Variants in C6 observed in about 807,000 individuals in gnomAD.
C6 encodes complement C6, also known as complement component C6.
C6 carries 101 observed loss-of-function variants against 112.9 expected under a neutral mutation model. The ratio of observed to expected loss-of-function variants is 0.89; its 90% confidence interval spans 0.76 to 1.06. The LOEUF is 1.06. Among genes scored for constraint, C6 ranks in the 50% least tolerant of loss-of-function variants. The pLI, the probability that C6 is intolerant of heterozygous loss-of-function variation, is 0.00. For synonymous variants in C6, 431 were observed against 384.1 expected (o/e 1.12, Z -1.43); for missense variants, 1,202 against 1,104.6 (o/e 1.09, Z -1.25).
rs565529648 is a variant in C6, at chr5:41,236,368, G to T, written c.-21+24826C>A. Reference sequence around the variant, plus strand: ...CCCATTGCTTGTTTTTCTCAGGTTTGTCAAAGATCAGATAGTTGTAGATAT... The same window carrying T: ...CCCATTGCTTGTTTTTCTCAGGTTTTTCAAAGATCAGATAGTTGTAGATAT... On this transcript the variant is annotated intron_variant, in intron 1 of 17. Transcript: ENST00000263413. Among the ~76,000 whole-genome samples, 13 of 151,140 alleles carry T rather than the reference G, an allele frequency of 8.6e-5. No individual in the cohort carries two copies. In the East Asian group the frequency reaches 2.4e-3, roughly 27 times the overall value.
intron 5 of C6, among the ~76,000 whole-genome samples, chr5:41,187,411 G>GA (rs1749859283): frequency 6.6e-6 from 1 of 151,972 alleles, no homozygotes; most frequent in Non-Finnish European, 1.5e-5. Context: ...ACAAAGATCT[G>GA]AAAAAAAGAC....
intron 13 of C6, among the ~76,000 whole-genome samples, chr5:41,157,929 C>T (rs1278402330): frequency 2.0e-5 from 3 of 152,022 alleles, no homozygotes; most frequent in African/African-American, 7.2e-5. Context: ...TACATTAGCC[C>T]AGACTACACT....
upstream of C6, among the ~76,000 whole-genome samples, chr5:41,214,970 T>G (rs1196378620): frequency 6.6e-6 from 1 of 152,140 alleles, no homozygotes; most frequent in Non-Finnish European, 1.5e-5. Flanking sequence ...TGCGAATGTC[T>G]GTGATCCAAA....
chr5:41,202,984 G>T, intron 2 of C6, 104 bp downstream of exon 2: 2 of 1,089,250 alleles, frequency 1.8e-6, no homozygotes, highest in Non-Finnish European at 2.8e-6. Context: ...TTCTTACTTT[G>T]ATATATATAT....
chr5:41,149,157 A>G (rs1487720296), intron 17 of C6, 84 bp downstream of exon 17: 3 of 1,483,778 alleles, frequency 2.0e-6, no homozygotes, highest in African/African-American at 2.8e-5. Context: ...TTGATTAAGG[A>G]TAGGTTATTT....
intron 1 of C6, among the ~76,000 whole-genome samples, chr5:41,233,355 C>T (rs1740027838): frequency 6.6e-6 from 1 of 151,958 alleles, no homozygotes; most frequent in African/African-American, 2.4e-5. Flanking sequence ...ACTATTGTTA[C>T]CATTGTTTCT....
intron 5 of C6, among the ~76,000 whole-genome samples, chr5:41,188,324 G>A (rs1320585543): frequency 6.6e-6 from 1 of 152,044 alleles, no homozygotes; most frequent in Non-Finnish European, 1.5e-5. Context: ...AGAATCGTGA[G>A]AAAGAAGGAC....
At chr5:41,163,420 C>T (rs1747710593) in intron 9 of C6, among the ~76,000 whole-genome samples, 1 of 150,088 alleles carries the variant, frequency 6.7e-6, no homozygotes, top group South Asian at 2.1e-4. Flanking sequence ...TCAAGTGATT[C>T]TCCTGCCTCA....
At chr5:41,178,466 C>CTTTTTTTTTTTT (rs70988836) in intron 7 of C6, among the ~76,000 whole-genome samples, 536 of 101,578 alleles carry the variant, frequency 5.3e-3, no homozygotes, top group East Asian at 6.4e-3. Flanking sequence ...TTTTCTTTTT[C>CTTTTTTTTTTTT]TTTTTTTTTT....
At chr5:41,159,901 G>A (rs940745469) in intron 11 of C6, among the ~76,000 whole-genome samples, 6 of 152,026 alleles carry the variant, frequency 3.9e-5, no homozygotes, top group African/African-American at 1.4e-4. Flanking sequence ...GATAGATACT[G>A]GTGTTATCCT....
intron 7 of C6, among the ~76,000 whole-genome samples, chr5:41,181,142 C>T (rs1749307597): frequency 6.6e-6 from 1 of 151,698 alleles, no homozygotes; most frequent in South Asian, 2.1e-4. Context: ...AAAAACATAA[C>T]AATAACAGTC....
intron 13 of C6, among the ~76,000 whole-genome samples, chr5:41,156,787 C>T (rs73750296): frequency 6.6e-6 from 1 of 152,156 alleles, no homozygotes; most frequent in African/African-American, 2.4e-5. Flanking sequence ...TCAAAGGCTG[C>T]ACATTTTTTC....
In C6 at chr5:41,172,673, A is replaced by G. The variant is rs1011353286; in HGVS notation, c.1169-326T>C. The G allele has an allele frequency of 2.6e-5, 11 of 423,650 alleles. 1 individual carries two copies. The highest frequency in any genetic ancestry group is 1.1e-4 in the South Asian group (5 of 46,492). The allele number at this position is 423,650 out of a possible 1,614,324, so 26.2% of individuals were successfully genotyped here. On this transcript the variant is annotated intron_variant, in intron 8 of 17. Coordinates refer to ENST00000337836, the MANE Select transcript of C6 (RefSeq NM_000065.5). Reference sequence around the variant, plus strand: ...TCCTTGTTGCCTGCCACTTGTTGCCACTTAACACAATGGAGCTTTAAGCTC... The same window carrying G: ...TCCTTGTTGCCTGCCACTTGTTGCCGCTTAACACAATGGAGCTTTAAGCTC...
chr5:41,213,557 A>G (rs1448385289), upstream of C6: 4 of 985,260 alleles, frequency 4.1e-6, no homozygotes, highest in African/African-American at 5.2e-5. Flanking sequence ...GGTTGTCAAA[A>G]TAAATGTTCT....
chr5:41,234,368 T>TTG (rs1224659681), intron 1 of C6, among the ~76,000 whole-genome samples: 1 of 147,576 alleles, frequency 6.8e-6, no homozygotes, highest in African/African-American at 2.6e-5. Context: ...TTTTTTGTTT[T>TTG]TTTTTTTTGC....
In C6 at chr5:41,160,999, G is replaced by A. The variant is rs574295158; in HGVS notation, c.1459-632C>T. ...CTTGCAAGTACCCGGAGGGGCAGCT[G>A]GGTCTCATTTTTCTCCCATAACATG... On this transcript the variant is annotated intron_variant, in intron 10 of 17. Coordinates refer to ENST00000337836, the MANE Select transcript of C6 (RefSeq NM_000065.5). 8.5e-5 allele frequency among the ~76,000 whole-genome samples: 13 copies of A among 152,216 alleles called. No individual in the cohort carries two copies. The South Asian group carries it at 2.1e-3, about 24-fold the overall frequency.
Position 41,250,986 on chromosome 5 carries a change from T to A in C6, c.-21+10208A>T, listed in dbSNP as rs76882991. Among the ~76,000 whole-genome samples the A allele has an allele frequency of 9.8e-3, 1,487 of 152,284 alleles. 31 individuals are homozygous for A. Among genetic ancestry groups the A allele is most frequent in the African/African-American group, 0.034 (1,413 of 41,544 alleles). On this transcript the variant is annotated intron_variant, in intron 1 of 17. Transcript: ENST00000263413. ...ACACATTACTTTTTTTGTCAATCGT[T>A]TGATCAGATTATTTTCTCTACTTTA...
At chr5:41,198,561 T>C (rs1342334336) in intron 4 of C6, among the ~76,000 whole-genome samples, 1 of 152,122 alleles carries the variant, frequency 6.6e-6, no homozygotes, top group Admixed American at 6.6e-5. Flanking sequence ...CAGACACATC[T>C]TCATAATACA....
intron 4 of C6, among the ~76,000 whole-genome samples, chr5:41,198,777 T>C (rs1269805640): frequency 6.6e-6 from 1 of 152,178 alleles, no homozygotes; most frequent in Non-Finnish European, 1.5e-5. Flanking sequence ...AATAAGAGTC[T>C]TTTTTGCTTA....
Sources: allele counts gnomAD v4.1 joint callset (sites outside exome capture counted in the v4.1 genomes callset), GRCh38; gene constraint gnomAD v4.1.1; transcripts MANE v1.5; gene names NCBI Gene and HGNC (gene_info 2026-07-23, HGNC 2026-07-21).